The following FXYD5 variants were observed in gnomAD, a reference collection of about 807,000 sequenced individuals.
FXYD5 encodes the protein FXYD domain-containing ion transport regulator 5.
In FXYD5, 21 loss-of-function variants were observed where a neutral mutation model predicts 25.7. The observed-to-expected ratio is 0.82, with a 90% CI of 0.58 to 1.18. The LOEUF (loss-of-function observed/expected upper bound fraction) is 1.18, where lower values mean the gene tolerates loss of function less well. Among genes scored for constraint, FXYD5 ranks in the 50% most tolerant of loss-of-function variants. The pLI is 0.00. For synonymous variants in FXYD5, 101 were observed against 90.7 expected, an observed-to-expected ratio of 1.11 and a Z score of -0.64; for missense variants, 229 against 227.7, an observed-to-expected ratio of 1.01 and a Z score of -0.04.
rs61309039 is a variant in FXYD5 at position 35,161,248 on chromosome 19, A to ACACACACACACACACAC, written c.292+447_292+448insCACACACACACACACAC. On this transcript the variant is annotated intron_variant, in intron 5 of 8. Coordinates refer to ENST00000392219, the MANE Select transcript of FXYD5 (RefSeq NM_014164.6). ...CACACACACACACACACACACACAC[A>ACACACACACACACACAC]AAAGAATGATTGGCTATATAAGTTC... Among the ~76,000 whole-genome samples the ACACACACACACACACAC allele has an allele frequency of 2.0e-4, 29 of 142,938 alleles. 3 individuals carry two copies. Among genetic ancestry groups the ACACACACACACACACAC allele is most frequent in the Admixed American group, 3.5e-4 (5 of 14,184 alleles). 93.8% of individuals were successfully genotyped at this position (142,938 alleles called of 152,430 possible).
rs1391631906 is a variant in FXYD5, at chr19:35,157,735, C to T, written c.142+234C>T. On this transcript the variant is annotated intron_variant, in intron 3 of 8. Transcript: ENST00000392219. Reference sequence around the variant, plus strand: ...TTCATTTTCAGGAAGAGTCTCCTCTCATGGGGCCAAGATGATCCCTTGAAG... The same window carrying T: ...TTCATTTTCAGGAAGAGTCTCCTCTTATGGGGCCAAGATGATCCCTTGAAG... 3 of 400,818 alleles carry T rather than the reference C, an allele frequency of 7.5e-6. No individual in the cohort carries two copies. The Admixed American group carries it at 1.2e-4, about 16-fold the overall frequency. 24.8% of individuals were successfully genotyped at this position (400,818 alleles called of 1,614,324 possible). A position where few individuals can be genotyped will look rare whatever the true frequency, so the allele number is the denominator to read the frequency against.
intron 8 of FXYD5, among the ~76,000 whole-genome samples, chr19:35,168,895 T>G (rs1387974884): frequency 6.6e-6 from 1 of 152,070 alleles, no homozygotes; most frequent in Non-Finnish European, 1.5e-5. Context: ...AAACCCTGTC[T>G]TTACTAAAAA....
intron 3 of FXYD5, among the ~76,000 whole-genome samples, chr19:35,158,102 A>G (rs558333759): frequency 1.3e-5 from 2 of 152,312 alleles, no homozygotes; most frequent in South Asian, 2.1e-4. Context: ...GAGAAAGACA[A>G]TTTGCAGCCA....
At chr19:35,168,837 T>A (rs1033164489) in intron 8 of FXYD5, among the ~76,000 whole-genome samples, 3 of 151,994 alleles carry the variant, frequency 2.0e-5, no homozygotes, top group Admixed American at 2.0e-4. Flanking sequence ...CTGAGGCAGG[T>A]GGATCCCTTG....
At chr19:35,168,546 CG>C (rs1422946115) in intron 8 of FXYD5, among the ~76,000 whole-genome samples, 1 of 152,074 alleles carries the variant, frequency 6.6e-6, no homozygotes, top group Non-Finnish European at 1.5e-5. Context: ...GAGGAGAAGA[CG>C]AGGCCAGAGA....
At chr19:35,159,765 A>G in intron 4 of FXYD5, 2 of 1,219,140 alleles carry the variant, frequency 1.6e-6, no homozygotes, top group Non-Finnish European at 2.2e-6. Context: ...ACAGACAAGG[A>G]AACAGAGGCT....
chr19:35,169,062 C>CAG (rs2065475344), intron 8 of FXYD5, among the ~76,000 whole-genome samples: 1 of 127,300 alleles, frequency 7.9e-6, no homozygotes, highest in South Asian at 2.7e-4. Flanking sequence ...GACTCTGTCT[C>CAG]AAAAAAAAAA....
chr19:35,160,748 G>T lies in FXYD5; in HGVS notation c.239G>T (p.Gly80Val). ...QPQTQTQQLE[G>V]TDGPLVTDPE... Reference sequence around the variant, plus strand: ...CAGACCCAGACCCAGCAACTGGAAGGAACGGATGGGCCTCTAGTGACAGAT... The same window carrying T: ...CAGACCCAGACCCAGCAACTGGAAGTAACGGATGGGCCTCTAGTGACAGAT... The change falls in exon 5 of 9, where the codon GGA becomes GTA. Residue 80 changes from glycine (G) to valine (V), a missense_variant. Gly to Val is a moderately radical substitution (Grantham distance 109). Transcript: ENST00000392219. 6.2e-7 allele frequency: 1 copy of T among 1,613,774 alleles called. No individual in the cohort carries two copies. Among genetic ancestry groups the T allele is most frequent in the Non-Finnish European group, 8.5e-7 (1 of 1,179,766 alleles).
chr19:35,166,890 T>C (rs1480962366), intron 8 of FXYD5: 1 of 152,836 alleles, frequency 6.5e-6, no homozygotes, highest in East Asian at 1.9e-4. Context: ...TAAGGGCCAT[T>C]TGGCGGTCAG....
rs533690554 is a variant in FXYD5, at chr19:35,169,706, G to A, written c.*91G>A. Reference sequence around the variant, plus strand: ...CGTGCCCAGCCTCCTGCATCCCCTCGAAGAGCCTGGCCAGAGAGGGAAGAC... The same window carrying A: ...CGTGCCCAGCCTCCTGCATCCCCTCAAAGAGCCTGGCCAGAGAGGGAAGAC... On this transcript the variant is annotated 3_prime_UTR_variant, in exon 9 of 9. Coordinates refer to ENST00000392219, the MANE Select transcript of FXYD5 (RefSeq NM_014164.6). The A allele has an allele frequency of 1.1e-5, 9 of 822,326 alleles. No individual in the cohort carries two copies. The highest frequency in any genetic ancestry group is 4.2e-5 in the South Asian group (3 of 71,056). The allele number at this position is 822,326 out of a possible 1,614,324, so 50.9% of individuals were successfully genotyped here. A position where few individuals can be genotyped will look rare whatever the true frequency, so the allele number is the denominator to read the frequency against.
chr19:35,168,908 C>G (rs918539692), intron 8 of FXYD5, among the ~76,000 whole-genome samples: 1 of 152,010 alleles, frequency 6.6e-6, no homozygotes, highest in Non-Finnish European at 1.5e-5. Flanking sequence ...ACTAAAAATA[C>G]AAAAATTAGC....
intron 4 of FXYD5, among the ~76,000 whole-genome samples, chr19:35,158,959 T>C (rs1477671362): frequency 6.6e-6 from 1 of 152,048 alleles, no homozygotes; most frequent in Admixed American, 6.6e-5. Context: ...AGACTCCATC[T>C]CTACAGAAAA....
At chr19:35,161,988 A>G (rs562967882) in intron 5 of FXYD5, among the ~76,000 whole-genome samples, 2 of 152,234 alleles carry the variant, frequency 1.3e-5, no homozygotes, top group South Asian at 2.1e-4. Context: ...CAATGGATGG[A>G]AATAAAGTGC....
Position 35,169,752 on chromosome 19 carries a change from C to G in FXYD5, c.*137C>G, listed in dbSNP as rs2065482449. On this transcript the variant is annotated 3_prime_UTR_variant, in exon 9 of 9. Coordinates refer to ENST00000392219, the MANE Select transcript of FXYD5 (RefSeq NM_014164.6). Reference sequence around the variant, plus strand: ...AAGACACAGATGATGAAGCTGGAGCCAGGGCTGCCGGTCCGAGTCTCCTAC... The same window carrying G: ...AAGACACAGATGATGAAGCTGGAGCGAGGGCTGCCGGTCCGAGTCTCCTAC... The G allele has an allele frequency of 3.0e-6, 2 of 667,734 alleles. No individual in the cohort carries two copies. The highest frequency in any genetic ancestry group is 5.4e-6 in the Non-Finnish European group (2 of 371,980). The allele number at this position is 667,734 out of a possible 1,614,324, so 41.4% of individuals were successfully genotyped here. A position where few individuals can be genotyped will look rare whatever the true frequency, so the allele number is the denominator to read the frequency against.
At chr19:35,168,611 C>A (rs1449304997) in intron 8 of FXYD5, among the ~76,000 whole-genome samples, 1 of 152,142 alleles carries the variant, frequency 6.6e-6, no homozygotes, top group Non-Finnish European at 1.5e-5. Context: ...GTACCCTTGG[C>A]TTCTAAGTTC....
chr19:35,157,643 T>C, intron 3 of FXYD5, 142 bp downstream of exon 3: 1 of 559,528 alleles, frequency 1.8e-6, no homozygotes, highest in Non-Finnish European at 3.3e-6. Flanking sequence ...CATGGCTTGA[T>C]CTAGGTGCTC....
intron 2 of FXYD5, 138 bp downstream of exon 2, chr19:35,155,749 T>C: frequency 1.4e-6 from 1 of 712,976 alleles, no homozygotes; most frequent in Non-Finnish European, 2.5e-6. Flanking sequence ...CACCAGGAAG[T>C]GGGGATCCCT....
chr19:35,169,599 GGAATCGTTGCA>G lies in FXYD5; in HGVS notation c.523_533del (p.Asn175ValfsTer?). 1 of 1,611,072 alleles carries G rather than the reference GGAATCGTTGCA, an allele frequency of 6.2e-7. No individual in the cohort carries two copies. The highest frequency in any genetic ancestry group is 8.5e-7 in the Non-Finnish European group (1 of 1,177,238). On this transcript the variant is annotated frameshift_variant, in exon 9 of 9. Transcript: ENST00000392219. LOFTEE classifies it high-confidence loss of function. ...TGCAGGCAGCTGTCCCGGTTATGCCGGAATCGTTGCAGGTGAGTCCATCAGAAACAGGAGCT... is the reference window on the plus strand; with the variant it reads ...TGCAGGCAGCTGTCCCGGTTATGCCGGGTGAGTCCATCAGAAACAGGAGCT...
At chr19:35,158,290 C>G in intron 3 of FXYD5, 54 bp from the exon 4 acceptor site, 1 of 1,160,094 alleles carries the variant, frequency 8.6e-7, no homozygotes, top group Non-Finnish European at 1.3e-6. Flanking sequence ...AGACCTTGCC[C>G]ACTTCTTTTT....
Sources: allele counts gnomAD v4.1 joint callset (sites outside exome capture counted in the v4.1 genomes callset), GRCh38; gene constraint gnomAD v4.1.1; transcripts MANE v1.5; gene names NCBI Gene and HGNC (gene_info 2026-07-23, HGNC 2026-07-21).